The following GNG7 variants were observed in gnomAD, a reference collection of about 807,000 sequenced individuals.
The protein encoded by GNG7 is guanine nucleotide-binding protein G(I)/G(S)/G(O) subunit gamma-7.
Under a neutral mutation model 4.0 loss-of-function variants are expected in GNG7, and 1 was observed. The ratio of observed to expected loss-of-function variants is 0.25; its 90% confidence interval spans 0.09 to 1.18. The LOEUF (loss-of-function observed/expected upper bound fraction) is 1.18, where lower values mean the gene tolerates loss of function less well. Among genes scored for constraint, GNG7 ranks in the 50% most tolerant of loss-of-function variants. GNG7 has a pLI of 0.50. For synonymous variants in GNG7, 34 were observed against 36.9 expected, an observed-to-expected ratio of 0.92 and a Z score of 0.29; for missense variants, 86 against 91.9, an observed-to-expected ratio of 0.94 and a Z score of 0.26.
intron 3 of GNG7, among the ~76,000 whole-genome samples, chr19:2,531,694 C>T (rs1978592059): frequency 1.3e-5 from 2 of 151,222 alleles, no homozygotes; most frequent in Admixed American, 6.6e-5. Flanking sequence ...TGGCATGAAC[C>T]CGGGAGGTGG....
chr19:2,647,160 AAC>A (rs1355473739), intron 1 of GNG7, among the ~76,000 whole-genome samples: 1 of 152,206 alleles, frequency 6.6e-6, no homozygotes, highest in East Asian at 1.9e-4. Context: ...TGTTCCTGCA[AAC>A]ACCGTGGTTT....
At position 2,691,936 on chromosome 19, in the gene GNG7, A is replaced by G. The variant is rs536342917; in HGVS notation, c.-135+10710T>C. On this transcript the variant is annotated intron_variant, in intron 1 of 4. Transcript: ENST00000382159. ...GGGAGAAGGCCTTTTGTGATGACAG[A>G]GGCAGAAATTGGATCAATGAGGCCA... is the stretch of plus-strand genomic sequence containing the variant. Among the ~76,000 whole-genome samples the G allele has an allele frequency of 2.6e-5, 4 of 151,598 alleles. No individual in the cohort carries two copies. In the East Asian group the frequency reaches 5.8e-4, roughly 22 times the overall value.
chr19:2,672,163 G>A (rs963467524), intron 1 of GNG7, among the ~76,000 whole-genome samples: 1 of 149,946 alleles, frequency 6.7e-6, no homozygotes, highest in Non-Finnish European at 1.5e-5. Context: ...TCAGCCTCCC[G>A]AGTAGCTGGG....
In GNG7 at chr19:2,617,902, T is replaced by C. The variant is rs1981765016; in HGVS notation, c.-78+28322A>G. ...CCCGGCTAATTTTTTAAATGTTTTG[T>C]AGAGATACGGTCCTGCTATGTTGCC... On this transcript the variant is annotated intron_variant, in intron 2 of 4. Coordinates refer to ENST00000382159, the MANE Select transcript of GNG7 (RefSeq NM_052847.3). The surrounding 1 kb of genome is among the most constrained non-coding windows in gnomAD (Gnocchi z 4.7). Among the ~76,000 whole-genome samples, 1 of 151,994 alleles carries C rather than the reference T, an allele frequency of 6.6e-6. No individual in the cohort carries two copies. Among genetic ancestry groups the C allele is most frequent in the Non-Finnish European group, 1.5e-5 (1 of 67,974 alleles).
chr19:2,522,978 C>T (rs1191450263), intron 3 of GNG7, among the ~76,000 whole-genome samples: 1 of 151,488 alleles, frequency 6.6e-6, no homozygotes, highest in Non-Finnish European at 1.5e-5. Context: ...GATACTCTCA[C>T]TTCTGCCTCC....
intron 3 of GNG7, among the ~76,000 whole-genome samples, chr19:2,542,241 A>C (rs1210666124): frequency 6.7e-6 from 1 of 148,988 alleles, no homozygotes; most frequent in Non-Finnish European, 1.5e-5. Context: ...CAGCCTCCCG[A>C]GTAACTGCGA....
Position 2,618,915 on chromosome 19 carries a change from C to G in GNG7, c.-78+27309G>C, listed in dbSNP as rs1270927663. Among the ~76,000 whole-genome samples the G allele has an allele frequency of 2.0e-5, 3 of 152,112 alleles. No homozygotes were observed. The highest frequency in any genetic ancestry group is 7.2e-5 in the African/African-American group (3 of 41,410). On this transcript the variant is annotated intron_variant, in intron 2 of 4. Transcript: ENST00000382159. This position sits in a 1 kb window ranked among gnomAD's most constrained non-coding sequence, Gnocchi z 5.1. Reference sequence around the variant, plus strand: ...TCCAGGAGCCCATGTGGCATCTGACCGTCCCATCTCCGTGGGTTCCTCTGG... The same window carrying G: ...TCCAGGAGCCCATGTGGCATCTGACGGTCCCATCTCCGTGGGTTCCTCTGG...
chr19:2,616,531 C>G (rs759368912), intron 2 of GNG7, among the ~76,000 whole-genome samples: 9 of 152,202 alleles, frequency 5.9e-5, no homozygotes, highest in Non-Finnish European at 1.3e-4. Context: ...AATCCCAGCA[C>G]TTTGGGAGGC....
chr19:2,576,049 A>G (rs561319816), intron 2 of GNG7, among the ~76,000 whole-genome samples: 1 of 88,930 alleles, frequency 1.1e-5, no homozygotes, highest in East Asian at 2.6e-4. Context: ...ACACAGACAC[A>G]TGCTCACACT....
intron 3 of GNG7, chr19:2,538,557 G>A (rs996300998): frequency 1.1e-5 from 4 of 358,622 alleles, no homozygotes; most frequent in South Asian, 4.4e-5. Context: ...CTTGAGCCCA[G>A]GAGTTGGAAG....
intron 1 of GNG7, among the ~76,000 whole-genome samples, chr19:2,676,810 T>C (rs1599457028): frequency 6.7e-6 from 1 of 148,370 alleles, no homozygotes; most frequent in Non-Finnish European, 1.5e-5. Context: ...AGGAGTTGGG[T>C]GTAATTTTCA....
rs114482957 is a variant in GNG7, at chr19:2,557,120, T to C, written c.-77-1932A>G. ...GAATACTCAGACACACGCACACACG[T>C]ACACACGTGTACTGCACACTCACGC... On this transcript the variant is annotated intron_variant, in intron 2 of 4. Transcript: ENST00000382159. The surrounding 1 kb of genome is among the most constrained non-coding windows in gnomAD (Gnocchi z 5.1). Among the ~76,000 whole-genome samples, 3,961 of 145,532 alleles carry C rather than the reference T, an allele frequency of 0.027. 75 individuals are homozygous for C. The highest frequency in any genetic ancestry group is 0.048 in the Middle Eastern group (12 of 252).
At chr19:2,658,287 G>A (rs1983048432) in intron 1 of GNG7, among the ~76,000 whole-genome samples, 1 of 152,032 alleles carries the variant, frequency 6.6e-6, no homozygotes, top group African/African-American at 2.4e-5. Context: ...TCTGCAAAGG[G>A]ACAAAAAGTA....
chr19:2,620,134 T>C (rs1005839765), intron 2 of GNG7, among the ~76,000 whole-genome samples: 4 of 146,432 alleles, frequency 2.7e-5, no homozygotes, highest in Non-Finnish European at 4.5e-5. Flanking sequence ...GAGGTAGAGG[T>C]TGCAGGTTGC....
At chr19:2,553,177 C>T (rs1039022000) in intron 3 of GNG7, among the ~76,000 whole-genome samples, 4 of 142,294 alleles carry the variant, frequency 2.8e-5, no homozygotes, top group African/African-American at 5.2e-5. Context: ...CACGCAGAAA[C>T]GAAAGGAGGA....
intron 3 of GNG7, among the ~76,000 whole-genome samples, chr19:2,531,096 G>A (rs1483855643): frequency 2.0e-5 from 3 of 151,852 alleles, no homozygotes; most frequent in Non-Finnish European, 2.9e-5. Context: ...ACCTGAGGTC[G>A]GGAGTTCAAG....
At chr19:2,566,003 C>CA (rs1271622801) in intron 2 of GNG7, among the ~76,000 whole-genome samples, 1 of 151,840 alleles carries the variant, frequency 6.6e-6, no homozygotes, top group Non-Finnish European at 1.5e-5. Flanking sequence ...ACTAAAAATA[C>CA]AAAAATTAGT....
intron 2 of GNG7, among the ~76,000 whole-genome samples, chr19:2,636,469 T>C (rs1982310704): frequency 6.6e-6 from 1 of 152,140 alleles, no homozygotes; most frequent in Non-Finnish European, 1.5e-5. Context: ...CTGATTCCCA[T>C]GGCAGGATGA....
At chr19:2,553,252 T>C (rs1280336588) in intron 3 of GNG7, among the ~76,000 whole-genome samples, 1 of 150,984 alleles carries the variant, frequency 6.6e-6, no homozygotes, top group Admixed American at 6.6e-5. Flanking sequence ...TATGAACCAG[T>C]GTGTGACATC....
Sources: gnomAD v4.1 joint callset for allele counts (sites outside exome capture counted in the v4.1 genomes callset) on GRCh38, gnomAD v4.1.1 for gene constraint, Gnocchi (gnomAD v3.1) non-coding constraint, MANE v1.5 for transcripts, NCBI Gene and HGNC (gene_info 2026-07-23, HGNC 2026-07-21) for gene names.